Variants in CLEC12A observed in about 807,000 individuals in gnomAD.
The protein encoded by CLEC12A is C-type lectin protein CLL-1.
CLEC12A carries 22 observed loss-of-function variants against 26.5 expected under a neutral mutation model. The observed-to-expected ratio is 0.83, with a 90% CI of 0.59 to 1.19. The LOEUF is 1.19. Among genes scored for constraint, CLEC12A ranks in the 50% most tolerant of loss-of-function variants. CLEC12A has a pLI of 0.00. For missense variants in CLEC12A, 353 were observed against 315.6 expected (o/e 1.12, Z -0.90); for synonymous variants, 119 against 101.9 (o/e 1.17, Z -1.01).
chr12:9,974,879 C>T (rs952048245), intron 1 of CLEC12A, among the ~76,000 whole-genome samples: 1 of 152,154 alleles, frequency 6.6e-6, no homozygotes, highest in African/African-American at 2.4e-5. Flanking sequence ...TCCCATAAGT[C>T]CCACATGCTG....
At chr12:9,989,282 G>T (rs1380994016), downstream of CLEC12A, among the ~76,000 whole-genome samples, 1 of 151,764 alleles carries the variant, frequency 6.6e-6, no homozygotes. Context: ...GTTAATGGGT[G>T]CAGCACACCA....
Position 9,985,242 on chromosome 12 carries a change from C to G in CLEC12A, c.*216C>G, listed in dbSNP as rs1195023303. ...GAAGCATGTCCCACCTCCCACTTTC[C>G]ATCATGGCCTGAACCCTGGAGGAAG... On this transcript the variant is annotated 3_prime_UTR_variant, in exon 6 of 6. Coordinates refer to ENST00000304361, the MANE Select transcript of CLEC12A (RefSeq NM_138337.6). 2.2e-6 allele frequency: 1 copy of G among 445,972 alleles called. No individual in the cohort carries two copies. Among genetic ancestry groups the G allele is most frequent in the Non-Finnish European group, 3.7e-6 (1 of 268,988 alleles). 27.6% of individuals were successfully genotyped at this position (445,972 alleles called of 1,614,324 possible).
chr12:9,952,116 G>GCTCTCC lies in CLEC12A; in HGVS notation c.10+785_10+790dup, dbSNP rs71049020. The GCTCTCC allele has an allele frequency of 1.6e-4, 16 of 97,338 alleles. 1 individual carries two copies. Among genetic ancestry groups the GCTCTCC allele is most frequent in the Non-Finnish European group, 2.5e-4 (12 of 48,764 alleles). 6.0% of individuals were successfully genotyped at this position (97,338 alleles called of 1,614,324 possible). A position where few individuals can be genotyped will look rare whatever the true frequency, so the allele number is the denominator to read the frequency against. On this transcript the variant is annotated intron_variant, in intron 1 of 6. Coordinates refer to the CLEC12A transcript ENST00000355690. ...AAAAAAAAAAAAACAGGATGTGAGC[G>GCTCTCC]CTCTCCCTCTCCCTCTCCCTCTCCC...
chr12:9,952,418 C>T (rs1225580521), intron 1 of CLEC12A: 22 of 159,102 alleles, frequency 1.4e-4, no homozygotes, highest in Admixed American at 2.6e-4. Flanking sequence ...CGCGAGTGAT[C>T]CGCCAGCCTT....
chr12:9,983,125 G>A (rs1443956085), intron 5 of CLEC12A, among the ~76,000 whole-genome samples: 1 of 152,000 alleles, frequency 6.6e-6, no homozygotes, highest in Admixed American at 6.6e-5. Context: ...TTTAAGTGTA[G>A]GTGTCTTTTT....
chr12:9,987,813 TTTA>T (rs1864805421), downstream of CLEC12A, among the ~76,000 whole-genome samples: 1 of 150,316 alleles, frequency 6.7e-6, no homozygotes, highest in Admixed American at 6.6e-5. Context: ...CTTTTATTTA[TTTA>T]TTTTTTTTTG....
chr12:9,983,153 T>C (rs1262588170), intron 5 of CLEC12A, among the ~76,000 whole-genome samples: 1 of 152,104 alleles, frequency 6.6e-6, no homozygotes, highest in Non-Finnish European at 1.5e-5. Context: ...TAATAATTCC[T>C]TTCCCTTTGG....
chr12:10,002,440 G>GTTTTTTTTTGTTTTTTTTTTTT, the CLEC12A span, among the ~76,000 whole-genome samples: 1 of 40,480 alleles, frequency 2.5e-5, no homozygotes, highest in Non-Finnish European at 5.0e-5. Context: ...GTTGGGTAAT[G>GTTTTTTTTTGTTTTTTTTTTTT]TTTTTTTTTT....
intron 1 of CLEC12A, among the ~76,000 whole-genome samples, chr12:9,962,091 G>A (rs1215157869): frequency 6.6e-6 from 1 of 152,184 alleles, no homozygotes; most frequent in Non-Finnish European, 1.5e-5. Flanking sequence ...ATTGCTACCA[G>A]CAATGTTCTC....
At chr12:9,972,079 A>G (rs1864152600) in intron 1 of CLEC12A, among the ~76,000 whole-genome samples, 1 of 151,608 alleles carries the variant, frequency 6.6e-6, no homozygotes, top group South Asian at 2.1e-4. Context: ...TTTATAAGAA[A>G]ATGCTTTGTG....
At chr12:9,982,908 A>C (rs1182009339) in intron 5 of CLEC12A, among the ~76,000 whole-genome samples, 1 of 152,008 alleles carries the variant, frequency 6.6e-6, no homozygotes, top group Non-Finnish European at 1.5e-5. Flanking sequence ...TACGTTCCTG[A>C]GTTATTTCAT....
chr12:9,969,511 TA>T (rs1864052555), upstream of CLEC12A, among the ~76,000 whole-genome samples: 1 of 152,240 alleles, frequency 6.6e-6, no homozygotes, highest in Non-Finnish European at 1.5e-5. Context: ...TTGTATGAAG[TA>T]ATACTTATTC....
downstream of CLEC12A, chr12:9,996,831 TA>T: frequency 1.2e-6 from 2 of 1,613,838 alleles, no homozygotes; most frequent in South Asian, 2.2e-5. Flanking sequence ...ATATTTGACA[TA>T]AGAATCTTCT....
intron 3 of CLEC12A, 24 bp from the exon 4 acceptor site, chr12:9,980,558 A>G: frequency 6.2e-7 from 1 of 1,606,188 alleles, no homozygotes; most frequent in Non-Finnish European, 8.5e-7. Flanking sequence ...ACAAAACCCA[A>G]ATAAAACTAT....
Position 9,971,428 on chromosome 12 carries a change from G to A in CLEC12A, c.-169G>A, listed in dbSNP as rs1170914466. 3 of 1,277,786 alleles carry A rather than the reference G, an allele frequency of 2.3e-6. No homozygotes were observed. The African/African-American group carries it at 4.6e-5, about 20-fold the overall frequency. The allele number at this position is 1,277,786 out of a possible 1,614,324, so 79.2% of individuals were successfully genotyped here. Reference sequence around the variant, plus strand: ...AGATTTGGCTCATTTGCAGACATATGGGTGATTGGTACAGTAGGTTTATAA... The same window carrying A: ...AGATTTGGCTCATTTGCAGACATATAGGTGATTGGTACAGTAGGTTTATAA... On this transcript the variant is annotated 5_prime_UTR_variant, in exon 1 of 6. An upstream start codon of the reference 5' UTR is lost. Coordinates refer to ENST00000304361, the MANE Select transcript of CLEC12A (RefSeq NM_138337.6).
At chr12:10,005,646 G>C in the CLEC12A span, among the ~76,000 whole-genome samples, 1 of 152,204 alleles carries the variant, frequency 6.6e-6, no homozygotes, top group African/African-American at 2.4e-5. Context: ...CAATTTGTCT[G>C]TCTTCATAGT....
At chr12:9,953,461 G>T (rs1863678528) in intron 1 of CLEC12A, 1 of 128,046 alleles carries the variant, frequency 7.8e-6, no homozygotes, top group Non-Finnish European at 1.7e-5. Context: ...GAGGTGGGGG[G>T]GGTCAGCCCC....
At chr12:9,952,707 C>CA (rs1863644764) in intron 1 of CLEC12A, 1 of 134,784 alleles carries the variant, frequency 7.4e-6, no homozygotes. Context: ...TCCGCCCGGC[C>CA]GCCATCCCAT....
At chr12:9,994,882 C>G (rs1161047582) in intron 4 of CLEC12A, 44 of 791,694 alleles carry the variant, frequency 5.6e-5, no homozygotes, top group Non-Finnish European at 8.0e-5. Context: ...CACAGTGTTC[C>G]ATGGTAAGGT....
Sources: gnomAD v4.1 joint callset for allele counts (sites outside exome capture counted in the v4.1 genomes callset) on GRCh38, gnomAD v4.1.1 for gene constraint, MANE v1.5 for transcripts, NCBI Gene and HGNC (gene_info 2026-07-23, HGNC 2026-07-21) for gene names.